Variants in FBXL13 observed in about 807,000 individuals in gnomAD.
FBXL13 encodes F-box and leucine-rich repeat protein 13.
FBXL13 carries 67 observed loss-of-function variants against 83.6 expected under a neutral mutation model. The ratio of observed to expected loss-of-function variants is 0.80; its 90% CI spans 0.66 to 0.98. The LOEUF (loss-of-function observed/expected upper bound fraction) is 0.98. Ranked by LOEUF, FBXL13 falls within the 50% of genes least tolerant of loss-of-function variation. The probability of loss-of-function intolerance (pLI) is 0.00; values close to 1 mark genes in which losing one functional copy is unlikely to be tolerated. For missense variants in FBXL13, 822 were observed against 866.5 expected (o/e 0.95, Z 0.64); for synonymous variants, 272 against 299.5 (o/e 0.91, Z 0.95).
At chr7:103,050,579 A>G (rs908440227) in intron 2 of FBXL13, among the ~76,000 whole-genome samples, 1 of 152,190 alleles carries the variant, frequency 6.6e-6, no homozygotes, top group African/African-American at 2.4e-5. Flanking sequence ...TCTGGGCAAG[A>G]TGGTTGCCCT....
At chr7:102,934,251 A>G (rs1819819065) in intron 8 of FBXL13, 1 of 1,614,246 alleles carries the variant, frequency 6.2e-7, no homozygotes, top group Non-Finnish European at 8.5e-7. Context: ...CTGGATCTGC[A>G]GCAGAATGAG....
intron 8 of FBXL13, among the ~76,000 whole-genome samples, chr7:102,951,546 A>G (rs1183193983): frequency 6.6e-6 from 1 of 151,922 alleles, no homozygotes; most frequent in African/African-American, 2.4e-5. Flanking sequence ...AGTGGCTCAC[A>G]CCTGTAATCC....
At chr7:102,839,731 C>T (rs1469457438) in intron 17 of FBXL13, among the ~76,000 whole-genome samples, 1 of 152,158 alleles carries the variant, frequency 6.6e-6, no homozygotes, top group Non-Finnish European at 1.5e-5. Flanking sequence ...CACATGTGAG[C>T]CACTGTGCCT....
intron 6 of FBXL13, among the ~76,000 whole-genome samples, chr7:102,998,641 C>G (rs1585294854): frequency 6.6e-6 from 1 of 152,058 alleles, no homozygotes; most frequent in East Asian, 1.9e-4. Flanking sequence ...TCAGTTCTAA[C>G]AGTTTTTTGG....
rs116632009 is a variant in FBXL13 at position 102,963,590 on chromosome 7, C to T, written c.667G>A (p.Val223Met). ...CAACCACGAAAATTCAAACGCAGCA[C>T]ATTTAAACGCCACCTTTGCAAAGTA... is the stretch of plus-strand genomic sequence containing the variant. Residue 223 changes from valine (V) to methionine (M), a missense_variant, in exon 8 of 20, where the codon GTG becomes ATG. Coordinates refer to ENST00000313221, the Ensembl canonical transcript of FBXL13. The T allele has an allele frequency of 2.4e-5, 38 of 1,613,018 alleles. No homozygotes were observed. The African/African-American group carries it at 4.8e-4, about 20-fold the overall frequency.
Position 103,001,583 on chromosome 7 carries a change from G to A in FBXL13, c.495+23480C>T, listed in dbSNP as rs563772787. On this transcript the variant is annotated intron_variant, in intron 6 of 19. Transcript: ENST00000313221. The stretch of plus-strand genomic sequence containing the variant: ...TGGGTGAGGAAGACTCACCCTCAAT[G>A]TGGGTCACATCCTATTGGCTGCCAG... Among the ~76,000 whole-genome samples the A allele has an allele frequency of 5.3e-5, 8 of 152,328 alleles. 2 individuals are homozygous for A. Among genetic ancestry groups the A allele is most frequent in the African/African-American group, 1.9e-4 (8 of 41,572 alleles).
chr7:102,875,058 T>G (rs1809033886), intron 16 of FBXL13, among the ~76,000 whole-genome samples: 1 of 152,214 alleles, frequency 6.6e-6, no homozygotes, highest in South Asian at 2.1e-4. Flanking sequence ...TATATTTTGA[T>G]GTGTTTTATA....
chr7:102,884,671 A>G (rs1456780155), intron 11 of FBXL13, among the ~76,000 whole-genome samples: 1 of 152,140 alleles, frequency 6.6e-6, no homozygotes, highest in Non-Finnish European at 1.5e-5. Flanking sequence ...TAATTAAAAA[A>G]AATTAACCAC....
intron 1 of FBXL13, among the ~76,000 whole-genome samples, chr7:103,063,525 G>A (rs1300781121): frequency 6.6e-6 from 1 of 152,106 alleles, no homozygotes; most frequent in Non-Finnish European, 1.5e-5. Context: ...ATCTGCCTGA[G>A]GACACAGTTT....
chr7:102,917,757 T>G (rs541532180), intron 10 of FBXL13, among the ~76,000 whole-genome samples: 2 of 152,224 alleles, frequency 1.3e-5, no homozygotes, highest in Non-Finnish European at 2.9e-5. Context: ...TAGCGTGAGA[T>G]AGAACAGATT....
At chr7:103,042,604 A>G (rs1221802687) in intron 2 of FBXL13, among the ~76,000 whole-genome samples, 1 of 152,232 alleles carries the variant, frequency 6.6e-6, no homozygotes, top group Non-Finnish European at 1.5e-5. Context: ...ACAGCATGGT[A>G]CTGGTACCAA....
intron 14 of FBXL13, among the ~76,000 whole-genome samples, chr7:102,880,648 T>G (rs1225470295): frequency 2.0e-5 from 3 of 152,240 alleles, no homozygotes; most frequent in African/African-American, 7.2e-5. Context: ...CAAATGTATC[T>G]TGCTGTTTCT....
intron 6 of FBXL13, among the ~76,000 whole-genome samples, chr7:103,012,307 G>A (rs554825424): frequency 1.3e-4 from 20 of 151,706 alleles, no homozygotes; most frequent in East Asian, 3.9e-4. Flanking sequence ...CCCAGGAGGC[G>A]GAGATTGCAG....
At chr7:102,877,695 C>T in intron 15 of FBXL13, 102 bp from the exon 17 acceptor site, 1 of 1,219,378 alleles carries the variant, frequency 8.2e-7, no homozygotes, top group Non-Finnish European at 1.1e-6. Flanking sequence ...GGTATTGAAG[C>T]AAAGATTTTC....
rs1380093770 is a variant in FBXL13, at chr7:103,055,705, G to A, written c.-62C>T. 11 of 1,285,816 alleles carry A rather than the reference G, an allele frequency of 8.6e-6. No individual in the cohort carries two copies. In the Admixed American group the frequency reaches 2.3e-4, roughly 27 times the overall value. The allele number at this position is 1,285,816 out of a possible 1,614,324, so 79.7% of individuals were successfully genotyped here. A position where few individuals can be genotyped will look rare whatever the true frequency, so the allele number is the denominator to read the frequency against. ...ATGATCATTCCCTCTAAATACCTCA[G>A]CGGATCCTCAGGACATGTAACAAGT... On this transcript the variant is annotated 5_prime_UTR_variant, in exon 2 of 20. Transcript: ENST00000313221.
rs557968930 is a variant in FBXL13, at chr7:103,034,061, T to C, written c.1-4643A>G. On this transcript the variant is annotated intron_variant, in intron 2 of 19. Coordinates refer to ENST00000313221, the Ensembl canonical transcript of FBXL13. Reference sequence around the variant, plus strand: ...CCCTGAGCTAGACACAGGGTGCTGATTGGTGTGTTTACAAACCTTGAGCTA... The same window carrying C: ...CCCTGAGCTAGACACAGGGTGCTGACTGGTGTGTTTACAAACCTTGAGCTA... 5.6e-4 allele frequency among the ~76,000 whole-genome samples: 85 copies of C among 152,294 alleles called. 2 individuals carry two copies. In the East Asian group the frequency reaches 0.015, roughly 27 times the overall value.
At chr7:102,937,506 C>CAA (rs10642422) in intron 8 of FBXL13, among the ~76,000 whole-genome samples, 85,609 of 113,400 alleles carry the variant, frequency 0.75, 33,052 homozygotes, top group Middle Eastern at 0.82. Flanking sequence ...GACTCTGTCT[C>CAA]AAAAAAAAAA....
chr7:102,867,511 G>C (rs1441676521), intron 16 of FBXL13, among the ~76,000 whole-genome samples: 1 of 151,488 alleles, frequency 6.6e-6, no homozygotes, highest in African/African-American at 2.4e-5. Context: ...AGTTCTGTGT[G>C]TCTGGAGCTG....
chr7:102,994,227 T>C (rs763055626), intron 6 of FBXL13, among the ~76,000 whole-genome samples: 1 of 152,190 alleles, frequency 6.6e-6, no homozygotes, highest in Non-Finnish European at 1.5e-5. Flanking sequence ...TTCTGCACAT[T>C]ATTTGGGGAA....
Sources: allele counts gnomAD v4.1 joint callset (sites outside exome capture counted in the v4.1 genomes callset), GRCh38; gene constraint gnomAD v4.1.1; transcripts MANE v1.5; gene names NCBI Gene and HGNC (gene_info 2026-07-23, HGNC 2026-07-21).